MPHOSPH9: variants seen among roughly 807,000 people sequenced by gnomAD.
The protein encoded by MPHOSPH9 is M-phase phosphoprotein 9.
In MPHOSPH9, 88 loss-of-function variants were observed where a neutral mutation model predicts 145.5. The ratio of observed to expected loss-of-function variants is 0.60; its 90% CI spans 0.51 to 0.72. The LOEUF is 0.72. MPHOSPH9 is among the 30% of genes least tolerant of loss of function. The probability of loss-of-function intolerance (pLI) is 0.00; values close to 1 mark genes in which losing one functional copy is unlikely to be tolerated. For synonymous variants in MPHOSPH9, 435 were observed against 486.2 expected, an observed-to-expected ratio of 0.89 and a Z score of 1.39; for missense variants, 1,238 against 1,386.6, an observed-to-expected ratio of 0.89 and a Z score of 1.70.
intron 15 of MPHOSPH9, among the ~76,000 whole-genome samples, 167 bp from the exon 16 acceptor site, chr12:123,176,956 C>T (rs1217788653): frequency 2.6e-5 from 4 of 151,900 alleles, no homozygotes; most frequent in Non-Finnish European, 5.9e-5. Context: ...CTTTGGGAGG[C>T]GGAGGCAGGT....
intron 7 of MPHOSPH9, 124 bp downstream of exon 7, chr12:123,214,620 G>A: frequency 1.4e-6 from 1 of 728,030 alleles, no homozygotes; most frequent in Non-Finnish European, 2.3e-6. Flanking sequence ...CTACTATACA[G>A]TATCATCCCA....
intron 13 of MPHOSPH9, among the ~76,000 whole-genome samples, chr12:123,184,498 ATT>A (rs35180953): frequency 2.0e-3 from 288 of 145,544 alleles, no homozygotes; most frequent in East Asian, 4.2e-3. Context: ...CTTTAATTTA[ATT>A]TTTTTTTTTT....
chr12:123,194,102 T>C (rs2138251735), intron 13 of MPHOSPH9, among the ~76,000 whole-genome samples: 1 of 152,016 alleles, frequency 6.6e-6, no homozygotes, highest in African/African-American at 2.4e-5. Flanking sequence ...AACCCTGTCT[T>C]TACTAACAAT....
Position 123,170,848 on chromosome 12 carries a change from C to G in MPHOSPH9, c.2457-4059G>C, listed in dbSNP as rs190791054. Among the ~76,000 whole-genome samples the G allele has an allele frequency of 3.3e-5, 5 of 152,308 alleles. No individual in the cohort carries two copies. In the East Asian group the frequency reaches 5.8e-4, roughly 18 times the overall value. On this transcript the variant is annotated intron_variant, in intron 16 of 23. Coordinates refer to ENST00000606320, the MANE Select transcript of MPHOSPH9 (RefSeq NM_022782.4). The stretch of plus-strand genomic sequence containing the variant: ...GACTGTTGCCAAATCACTCTCCAGA[C>G]AAGCTGTATCAACTGTCAATCATTA...
At chr12:123,240,642 G>A (rs1281013405) in intron 1 of MPHOSPH9, 1 of 147,692 alleles carries the variant, frequency 6.8e-6, no homozygotes. Flanking sequence ...GTGAATTTTA[G>A]ATAAATGGCG....
chr12:123,209,148 G>C (rs2046581707), intron 8 of MPHOSPH9, among the ~76,000 whole-genome samples: 1 of 152,080 alleles, frequency 6.6e-6, no homozygotes, highest in Admixed American at 6.6e-5. Context: ...GGCCAGGCTG[G>C]TCTTGAACTC....
rs570357202 is a variant in MPHOSPH9, at chr12:123,184,042, C to CA, written c.2242-2833dup. Among the ~76,000 whole-genome samples, 15 of 152,000 alleles carry CA rather than the reference C, an allele frequency of 9.9e-5. No homozygotes were observed. The East Asian group carries it at 1.9e-3, about 20-fold the overall frequency. On this transcript the variant is annotated intron_variant, in intron 13 of 23. Transcript: ENST00000606320. ...GCAATATAGCAAGACCCCATCTCTA[C>CA]AAAAAATTTAAAAATTAGCCAGGTC...
intron 19 of MPHOSPH9, chr12:123,163,423 C>T (rs956577336): frequency 6.6e-6 from 2 of 303,046 alleles, no homozygotes; most frequent in Non-Finnish European, 1.2e-5. Context: ...CAGCAGTACA[C>T]TACTGAACAT....
chr12:123,158,150 C>T (rs967347144), intron 23 of MPHOSPH9, among the ~76,000 whole-genome samples: 8 of 152,014 alleles, frequency 5.3e-5, no homozygotes, highest in Admixed American at 3.3e-4. Flanking sequence ...CCACCATGCC[C>T]GGCTCATTTT....
At position 123,202,146 on chromosome 12, in the gene MPHOSPH9, C is replaced by A. The variant is rs769964342; in HGVS notation, c.1937+18G>T. Reference sequence around the variant, plus strand: ...ATCCAAGGTGGAGAAAACTTCACAGCTAAATTATAAATTTTACCTGTCTAC... The same window carrying A: ...ATCCAAGGTGGAGAAAACTTCACAGATAAATTATAAATTTTACCTGTCTAC... On this transcript the variant is annotated intron_variant, in intron 11 of 23. Coordinates refer to ENST00000606320, the MANE Select transcript of MPHOSPH9 (RefSeq NM_022782.4). 8 of 1,589,684 alleles carry A rather than the reference C, an allele frequency of 5.0e-6. No individual in the cohort carries two copies. The Admixed American group carries it at 1.3e-4, about 25-fold the overall frequency.
chr12:123,194,549 T>G lies in MPHOSPH9; in HGVS notation c.2078A>C (p.Gln693Pro), dbSNP rs143187593. 13 of 1,612,836 alleles carry G rather than the reference T, an allele frequency of 8.1e-6. No homozygotes were observed. Among genetic ancestry groups the G allele is most frequent in the Non-Finnish European group, 1.0e-5 (12 of 1,179,862 alleles). Residue 693 changes from glutamine to proline, a missense_variant, in exon 13 of 24, where the codon CAG becomes CCG. Coordinates refer to ENST00000606320, the MANE Select transcript of MPHOSPH9 (RefSeq NM_022782.4). ...SAASSASKIL[Q>P]ERIEEMRTSS... The stretch of plus-strand genomic sequence containing the variant: ...TGTTCTCATTTCTTCAATTCGTTCC[T>G]GCAAAATTTTGGAAGCACTGCTGGC...
chr12:123,164,006 G>T lies in MPHOSPH9; in HGVS notation c.2852C>A (p.Ser951Ter). 1.2e-6 allele frequency: 2 copies of T among 1,614,108 alleles called. No individual in the cohort carries two copies. The highest frequency in any genetic ancestry group is 1.7e-6 in the Non-Finnish European group (2 of 1,179,992). ...TAAAGATGATGATCTCTGTGAGGCC[G>T]AATTAAGTCTCTTTTGTCTCTGTTG... Reference protein sequence around the residue: ...CAQQRQKRLNSASQRSSSLPP... With the variant: ...CAQQRQKRLN Residue 951 changes from serine (S) to a stop codon, truncating the protein, a stop_gained, in exon 19 of 24, where the codon TCG becomes TAG. Coordinates refer to ENST00000606320, the MANE Select transcript of MPHOSPH9 (RefSeq NM_022782.4). LOFTEE classifies it high-confidence loss of function.
intron 7 of MPHOSPH9, among the ~76,000 whole-genome samples, chr12:123,212,336 A>C (rs1161125191): frequency 6.6e-6 from 1 of 152,186 alleles, no homozygotes; most frequent in East Asian, 1.9e-4. Flanking sequence ...CAGCCAATGC[A>C]AAAGTCCTAA....
At chr12:123,237,422 C>T (rs1200476042), upstream of MPHOSPH9, among the ~76,000 whole-genome samples, 1 of 152,162 alleles carries the variant, frequency 6.6e-6, no homozygotes, top group Non-Finnish European at 1.5e-5. Flanking sequence ...AAGCGAAACT[C>T]CGGCTCAAAA....
intron 15 of MPHOSPH9, among the ~76,000 whole-genome samples, chr12:123,178,677 C>T (rs1377298212): frequency 6.6e-6 from 1 of 152,102 alleles, no homozygotes; most frequent in African/African-American, 2.4e-5. Flanking sequence ...GTGTGCACCA[C>T]CATGCCCAGC....
At chr12:123,174,254 G>T (rs2138020767) in intron 16 of MPHOSPH9, among the ~76,000 whole-genome samples, 1 of 152,180 alleles carries the variant, frequency 6.6e-6, no homozygotes, top group Admixed American at 6.6e-5. Context: ...GGGTTCCTTT[G>T]CCAGCTCTCT....
At position 123,161,298 on chromosome 12, in the gene MPHOSPH9, TAC is replaced by T. The variant is rs1465989138; in HGVS notation, c.3217_3218del (p.Val1073IlefsTer10). On this transcript the variant is annotated frameshift_variant, in exon 22 of 24. Transcript: ENST00000606320. LOFTEE classifies it high-confidence loss of function. ...TCTTCTCCCAGGCTGTTCTCACAGATACTTTCTTCACTCCATTTGGCACCGGT... is the reference window on the plus strand; with the variant it reads ...TCTTCTCCCAGGCTGTTCTCACAGATTTTCTTCACTCCATTTGGCACCGGT... ...PEPVPNGVKKVSVRTAWEKNK... is the reference protein window; with the variant it reads ...PEPVPNGVKKXSVRTAWEKNK... The T allele has an allele frequency of 6.2e-7, 1 of 1,614,172 alleles. No individual in the cohort carries two copies. Among genetic ancestry groups the T allele is most frequent in the Non-Finnish European group, 8.5e-7 (1 of 1,180,018 alleles).
At chr12:123,209,013 A>G (rs1469386015) in intron 8 of MPHOSPH9, among the ~76,000 whole-genome samples, 4 of 152,088 alleles carry the variant, frequency 2.6e-5, no homozygotes, top group Non-Finnish European at 4.4e-5. Context: ...GCTCACTGCA[A>G]TCTCCACCTC....
intron 1 of MPHOSPH9, among the ~76,000 whole-genome samples, chr12:123,243,529 C>CA (rs55817401): frequency 9.7e-4 from 114 of 117,766 alleles, no homozygotes; most frequent in African/African-American, 3.4e-3. Context: ...GACTCCGTCT[C>CA]AAAAAAAAAA....
Sources: allele counts gnomAD v4.1 joint callset (sites outside exome capture counted in the v4.1 genomes callset), GRCh38; gene constraint gnomAD v4.1.1; transcripts MANE v1.5; gene names NCBI Gene and HGNC (gene_info 2026-07-23, HGNC 2026-07-21).